Variants in ARMCX4 observed in about 807,000 individuals in gnomAD.
ARMCX4 encodes armadillo repeat-containing X-linked protein 4.
A neutral mutation model predicts 34.7 loss-of-function variants in ARMCX4; 3 were observed. That is an observed-to-expected ratio of 0.09 (90% CI 0.04 to 0.22). The LOEUF is 0.22. Ranked by LOEUF, ARMCX4 falls within the 10% of genes least tolerant of loss-of-function variation. The probability of loss-of-function intolerance (pLI) is 1.00; values close to 1 mark genes in which losing one functional copy is unlikely to be tolerated. For missense variants in ARMCX4, 1,448 were observed against 1,720.8 expected, an observed-to-expected ratio of 0.84 and a Z score of 2.81; for synonymous variants, 513 against 632.8, an observed-to-expected ratio of 0.81 and a Z score of 2.84.
chrX:101,433,116 A>G (rs1168687883), intron 2 of ARMCX4, among the ~76,000 whole-genome samples: 2 of 108,496 alleles, frequency 1.8e-5, no homozygotes, highest in East Asian at 3.0e-4. Flanking sequence ...ACGTATACAC[A>G]TGTATGTATA....
Position 101,492,658 on chromosome X carries a change from G to A in ARMCX4, c.4069G>A (p.Ala1357Thr). The stretch of plus-strand genomic sequence containing the variant: ...CAGTGGAAGGTCTTGGGCTGACACT[G>A]CAGACCAAGCCAGTGGAGGGTCTAG... Reference protein sequence around the residue: ...QSSGRSWADTADQASGGSRLG... With the variant: ...QSSGRSWADTTDQASGGSRLG... The change falls in exon 6 of 6, where the codon GCA becomes ACA. Residue 1357 changes from alanine (A) to threonine (T), a missense_variant. Ala to Thr is a moderately conservative substitution (Grantham distance 58). Transcript: ENST00000423738. 8.8e-7 allele frequency: 1 copy of A among 1,131,770 alleles called. No homozygotes were observed. The highest frequency in any genetic ancestry group is 1.2e-6 in the Non-Finnish European group (1 of 859,645). The allele number at this position is 1,131,770 out of a possible 1,213,427, so 93.3% of individuals were successfully genotyped here.
intron 11 of ARMCX4, among the ~76,000 whole-genome samples, chrX:101,519,262 C>G (rs1556018580): frequency 9.0e-6 from 1 of 111,141 alleles, no homozygotes; most frequent in African/African-American, 3.3e-5. Flanking sequence ...TATAGCAAAT[C>G]TCCAAAACTT....
At chrX:101,453,742 A>C (rs782427076) in intron 4 of ARMCX4, among the ~76,000 whole-genome samples, 2 of 109,992 alleles carry the variant, frequency 1.8e-5, no homozygotes, top group African/African-American at 6.6e-5. Flanking sequence ...TGGATTTGCT[A>C]TGCCAAATCC....
chrX:101,430,314 G>A (rs893550190), intron 2 of ARMCX4, among the ~76,000 whole-genome samples: 6 of 111,407 alleles, frequency 5.4e-5, no homozygotes, highest in Non-Finnish European at 9.4e-5. Context: ...GGGAAGTTTC[G>A]GTGGAAAGAA....
intron 11 of ARMCX4, among the ~76,000 whole-genome samples, chrX:101,527,198 A>G (rs1934995339): frequency 8.9e-6 from 1 of 112,232 alleles, no homozygotes; most frequent in South Asian, 3.7e-4. Context: ...CTGCACAACT[A>G]CATGGAAACT....
At chrX:101,476,813 T>C (rs1452207606) in intron 4 of ARMCX4, among the ~76,000 whole-genome samples, 1 of 109,282 alleles carries the variant, frequency 9.2e-6, no homozygotes, top group African/African-American at 3.3e-5. Context: ...GAACAGTAAA[T>C]TGAATCTTAA....
chrX:101,490,953 C>T lies in ARMCX4; in HGVS notation c.2364C>T (p.Val788=). 8.7e-7 allele frequency: 1 copy of T among 1,155,368 alleles called. No homozygotes were observed. Among genetic ancestry groups the T allele is most frequent in the Non-Finnish European group, 1.1e-6 (1 of 872,773 alleles). The change falls in exon 6 of 6, where the codon GTC becomes GTT. Residue 788 remains valine, a synonymous_variant. Coordinates refer to ENST00000423738, the MANE Select transcript of ARMCX4 (RefSeq NM_001256155.3). Reference sequence around the variant, plus strand: ...CTGGGATGGGTGCAACAGGCTCTGTCCAGCCCCAGGCTGTGGCTAATTCCC... The same window carrying T: ...CTGGGATGGGTGCAACAGGCTCTGTTCAGCCCCAGGCTGTGGCTAATTCCC... ...AEAGMGATGS[V]QPQAVANSHC... is the part of the protein sequence containing the mutation.
At position 101,494,035 on chromosome X, in the gene ARMCX4, GAGGCT is replaced by G; in HGVS notation, c.5447_5451del (p.Glu1816GlyfsTer5). The G allele has an allele frequency of 9.3e-7, 1 of 1,070,881 alleles. No individual in the cohort carries two copies. Among genetic ancestry groups the G allele is most frequent in the Non-Finnish European group, 1.2e-6 (1 of 805,381 alleles). 88.3% of individuals were successfully genotyped at this position (1,070,881 alleles called of 1,213,427 possible). On this transcript the variant is annotated frameshift_variant, in exon 6 of 6. Coordinates refer to ENST00000423738, the MANE Select transcript of ARMCX4 (RefSeq NM_001256155.3). LOFTEE classifies it high-confidence loss of function. ...AGGGGCTGAGGCTGGGGCTGGGGCT[GAGGCT>G]GGGGCTGGGGCTGAGGCTGGGGCTG...
intron 11 of ARMCX4, among the ~76,000 whole-genome samples, chrX:101,523,648 C>A (rs1360682950): frequency 9.0e-6 from 1 of 111,731 alleles, no homozygotes; most frequent in African/African-American, 3.3e-5. Flanking sequence ...CATGACCAAG[C>A]AAACAACAAC....
At chrX:101,533,159 T>C (rs1556022599) in exon 13 of ARMCX4, 1 of 109,255 alleles carries the variant, frequency 9.2e-6, no homozygotes. Flanking sequence ...GGCACAGCTT[T>C]GGAGGGAAGA....
intron 4 of ARMCX4, among the ~76,000 whole-genome samples, chrX:101,464,056 C>T (rs1363869190): frequency 9.1e-6 from 1 of 110,125 alleles, no homozygotes; most frequent in African/African-American, 3.3e-5. Flanking sequence ...CCGCGCCCAG[C>T]CTATTTTTTC....
At chrX:101,422,951 C>T (rs1290590521) in intron 2 of ARMCX4, among the ~76,000 whole-genome samples, 1 of 110,206 alleles carries the variant, frequency 9.1e-6, no homozygotes, top group African/African-American at 3.3e-5. Context: ...ACTATGTTGC[C>T]CAGATTGGAG....
chrX:101,531,462 T>C (rs1280433645), intron 11 of ARMCX4, among the ~76,000 whole-genome samples: 1 of 111,784 alleles, frequency 8.9e-6, no homozygotes, highest in African/African-American at 3.2e-5. Context: ...AAGGCTAACA[T>C]AATGCTTATG....
intron 11 of ARMCX4, among the ~76,000 whole-genome samples, chrX:101,522,065 A>G (rs1934865921): frequency 9.0e-6 from 1 of 111,165 alleles, no homozygotes; most frequent in African/African-American, 3.3e-5. Flanking sequence ...TTGATCTTTT[A>G]TCTAGTTGTT....
intron 4 of ARMCX4, among the ~76,000 whole-genome samples, chrX:101,473,252 A>T (rs1556003465): frequency 9.0e-6 from 1 of 111,686 alleles, no homozygotes; most frequent in Non-Finnish European, 1.9e-5. Context: ...CAACAAGAAG[A>T]GCTAACTATC....
intron 12 of ARMCX4, chrX:101,532,379 G>A (rs1935146105): frequency 1.8e-5 from 2 of 111,508 alleles, no homozygotes; most frequent in African/African-American, 3.3e-5. Flanking sequence ...ATAAAGCCAT[G>A]GTTCCATTAT....
downstream of ARMCX4, among the ~76,000 whole-genome samples, chrX:101,449,402 T>G (rs1410898486): frequency 8.9e-6 from 1 of 112,148 alleles, no homozygotes; most frequent in East Asian, 2.8e-4. Flanking sequence ...TTAAATTCTT[T>G]TTTCTTTTGT....
intron 11 of ARMCX4, among the ~76,000 whole-genome samples, chrX:101,527,919 C>A (rs782720982): frequency 1.8e-5 from 2 of 111,903 alleles, no homozygotes; most frequent in East Asian, 5.6e-4. Context: ...GGAACTGGTA[C>A]CATTCCTTCT....
Position 101,438,129 on chromosome X carries a change from G to A in ARMCX4, n.165-5923G>A, listed in dbSNP as rs782741831. Among the ~76,000 whole-genome samples, 8 of 111,891 alleles carry A rather than the reference G, an allele frequency of 7.1e-5. No homozygotes were observed. The South Asian group carries it at 3.0e-3, about 42-fold the overall frequency. ...GGTGTGGTGTGGTGCTGAAAAGAAT[G>A]TATGTTCTGTTGATTTGGGGTGGAG... is the stretch of plus-strand genomic sequence containing the variant. On this transcript the variant is annotated intron_variant and non_coding_transcript_variant, in intron 2 of 3. Transcript: ENST00000430461.
Sources: gnomAD v4.1 joint callset for allele counts (sites outside exome capture counted in the v4.1 genomes callset) on GRCh38, gnomAD v4.1.1 for gene constraint, MANE v1.5 for transcripts, NCBI Gene and HGNC (gene_info 2026-07-23, HGNC 2026-07-21) for gene names.